Variants in MTMR4 observed in about 807,000 individuals in gnomAD.
The protein encoded by MTMR4 is myotubularin related protein 4.
In MTMR4, 30 loss-of-function variants were observed where a neutral mutation model predicts 125.5. The observed-to-expected ratio is 0.24, with a 90% CI of 0.18 to 0.32. The LOEUF (loss-of-function observed/expected upper bound fraction) is 0.32, where lower values mean the gene tolerates loss of function less well. MTMR4 is among the 10% of genes least tolerant of loss of function. The pLI, the probability that MTMR4 is intolerant of heterozygous loss-of-function variation, is 1.00. For synonymous variants in MTMR4, 498 were observed against 564.5 expected (o/e 0.88, Z 1.67); for missense variants, 1,039 against 1,511.5 (o/e 0.69, Z 5.18).
chr17:58,506,857 C>T lies in MTMR4; in HGVS notation c.919G>A (p.Ala307Thr). ...GCTGTGCTCTCCACTCCAGAGCACG[C>T]AGTCAGAGAAGAATCTAAACACACA... ...CDADFDSSLT[A>T]CSGVESTAAP... Residue 307 changes from alanine (A) to threonine (T), a missense_variant, in exon 9 of 18, where the codon GCG becomes ACG. Physicochemically the swap from Ala to Thr is moderately conservative, Grantham distance 58. Coordinates refer to ENST00000682306, the MANE Select transcript of MTMR4 (RefSeq NM_001378067.1). The T allele has an allele frequency of 6.2e-7, 1 of 1,612,494 alleles. No individual in the cohort carries two copies. Among genetic ancestry groups the T allele is most frequent in the Non-Finnish European group, 8.5e-7 (1 of 1,179,724 alleles).
rs1463197601 is a variant in MTMR4 at position 58,495,173 on chromosome 17, A to T, written c.3011T>A (p.Val1004Asp). The T allele has an allele frequency of 1.2e-6, 2 of 1,614,170 alleles. No individual in the cohort carries two copies. Among genetic ancestry groups the T allele is most frequent in the East Asian group, 4.5e-5 (2 of 44,870 alleles). ...CAGTGGAACGGGCTTTGTGCTAGAG[A>T]CTTGCTTTGGATGACTGGACAACCA... ...QMWLSSHPKQ[V>D]SSTKPVPLNC... The change falls in exon 15 of 18, where the codon GTC (valine) becomes GAC (aspartate). Residue 1004 changes from valine to aspartate, a missense_variant. Around this residue, in one of 6 missense-constraint regions of MTMR4, gnomAD observed 619 missense variants for 714.5 expected, o/e 0.87. Transcript: ENST00000682306.
chr17:58,510,712 G>A (rs914702000), intron 4 of MTMR4: 3 of 151,916 alleles, frequency 2.0e-5, no homozygotes, highest in African/African-American at 4.8e-5. Context: ...AAGCTGAAGC[G>A]ATCTCCCCAC....
intron 14 of MTMR4, among the ~76,000 whole-genome samples, chr17:58,498,820 A>C (rs1034382761): frequency 4.6e-5 from 7 of 152,120 alleles, no homozygotes; most frequent in Admixed American, 4.6e-4. Context: ...TTCAATGTCT[A>C]TTAGTGGTAC....
chr17:58,496,125 C>G lies in MTMR4; in HGVS notation c.2059G>C (p.Val687Leu). 1 of 1,614,192 alleles carries G rather than the reference C, an allele frequency of 6.2e-7. No homozygotes were observed. The highest frequency in any genetic ancestry group is 8.5e-7 in the Non-Finnish European group (1 of 1,180,036). The change falls in exon 15 of 18, where the codon GTG (valine) becomes CTG (leucine). Residue 687 changes from valine (V) to leucine (L), a missense_variant. Val to Leu is a conservative substitution (Grantham distance 32, BLOSUM62 1). Transcript: ENST00000682306. ...VGGPQQTVGE[V>L]GLPPPLPSSQ... ...CTGGGCAGAGGAGGAGGAAGACCCA[C>G]TTCTCCTACAGTTTGCTGAGGCCCT...
At chr17:58,516,696 C>A (rs540167327), upstream of MTMR4, 6 of 1,241,744 alleles carry the variant, frequency 4.8e-6, no homozygotes, top group Non-Finnish European at 7.1e-6. Context: ...CACACATCTA[C>A]CCCTGACCTT....
chr17:58,496,020 C>T lies in MTMR4; in HGVS notation c.2164G>A (p.Ala722Thr), dbSNP rs188227519. Reference sequence around the variant, plus strand: ...TTGCTCTTCATTTCCCGAGGCACTGCGGTATTAAGCAGTTTGTAACTTGGA... The same window carrying T: ...TTGCTCTTCATTTCCCGAGGCACTGTGGTATTAAGCAGTTTGTAACTTGGA... ...CSPSYKLLNTAVPREMKSNTS... is the reference protein window; with the variant it reads ...CSPSYKLLNTTVPREMKSNTS... The change falls in exon 15 of 18, where the codon GCA (alanine) becomes ACA (threonine). Residue 722 changes from alanine to threonine, a missense_variant. Physicochemically the swap from Ala to Thr is moderately conservative, Grantham distance 58 (BLOSUM62 0). Transcript: ENST00000682306. 9.9e-4 allele frequency: 1,602 copies of T among 1,614,032 alleles called. 18 individuals are homozygous for T. Among genetic ancestry groups the T allele is most frequent in the Middle Eastern group, 1.5e-3 (9 of 6,062 alleles).
rs991537008 is a variant in MTMR4 at position 58,514,632 on chromosome 17, G to A, written c.-225C>T. Reference sequence around the variant, plus strand: ...CCGCCCTCCCGCACGAGTGCAGAAGGGAGGGGAGCCAGGCGAGGGGAGAGC... The same window carrying A: ...CCGCCCTCCCGCACGAGTGCAGAAGAGAGGGGAGCCAGGCGAGGGGAGAGC... On this transcript the variant is annotated 5_prime_UTR_variant, in exon 1 of 18. Coordinates refer to ENST00000682306, the MANE Select transcript of MTMR4 (RefSeq NM_001378067.1). 10 of 985,170 alleles carry A rather than the reference G, an allele frequency of 1.0e-5. No homozygotes were observed. The highest frequency in any genetic ancestry group is 5.2e-4 in the Middle Eastern group (1 of 1,936). 61.0% of individuals were successfully genotyped at this position (985,170 alleles called of 1,614,324 possible).
upstream of MTMR4, among the ~76,000 whole-genome samples, chr17:58,517,055 GTC>G (rs1393357554): frequency 6.6e-6 from 1 of 152,258 alleles, no homozygotes; most frequent in African/African-American, 2.4e-5. Context: ...TGTTTTGCCA[GTC>G]TCTGAGTCTG....
chr17:58,511,923 C>T (rs1157735956), intron 3 of MTMR4, among the ~76,000 whole-genome samples: 2 of 151,846 alleles, frequency 1.3e-5, no homozygotes, highest in Admixed American at 6.6e-5. Context: ...GAGCCAGAAA[C>T]AGAGCTAGGA....
rs868747382 is a variant in MTMR4, at chr17:58,491,951, G to A, written c.3453-111C>T. 7.1e-5 allele frequency: 66 copies of A among 927,974 alleles called. No individual in the cohort carries two copies. The Middle Eastern group carries it at 9.0e-4, about 13-fold the overall frequency. The allele number at this position is 927,974 out of a possible 1,614,324, so 57.5% of individuals were successfully genotyped here. ...TTTGGTAGGCTGAGGCAGTAGAATC[G>A]CTTGAGGCCAGGAGTTTGAGACTTG... On this transcript the variant is annotated intron_variant, in intron 17 of 17. Transcript: ENST00000682306.
In MTMR4 at chr17:58,492,711, G is replaced by A. The variant is rs1481280020; in HGVS notation, c.3364-112C>T. On this transcript the variant is annotated intron_variant, in intron 16 of 17. Transcript: ENST00000682306. ...AGAGACAAGGCTTATCTTCATAACT[G>A]GCTACCATTTGCCTACCAGGCTGAC... 2.2e-6 allele frequency: 3 copies of A among 1,338,662 alleles called. No individual in the cohort carries two copies. In the Admixed American group the frequency reaches 5.2e-5, roughly 23 times the overall value. 82.9% of individuals were successfully genotyped at this position (1,338,662 alleles called of 1,614,324 possible).
chr17:58,492,630 T>G (rs1238851265), intron 16 of MTMR4, 31 bp from the exon 17 acceptor site: 1 of 1,603,022 alleles, frequency 6.2e-7, no homozygotes, highest in Non-Finnish European at 8.5e-7. Flanking sequence ...AAATTCCTGG[T>G]CCTTGTTGAC....
upstream of MTMR4, chr17:58,514,931 G>A (rs1004888129): frequency 1.2e-6 from 1 of 868,506 alleles, no homozygotes; most frequent in Non-Finnish European, 1.4e-6. Flanking sequence ...GGATCCCAAG[G>A]TGGAGCTCAC....
chr17:58,514,245 C>T (rs996289298), intron 1 of MTMR4, 118 bp downstream of exon 1: 5 of 909,644 alleles, frequency 5.5e-6, no homozygotes, highest in South Asian at 1.0e-4. Context: ...TCCCTGCCCC[C>T]CAAACGTTCG....
At position 58,495,831 on chromosome 17, in the gene MTMR4, T is replaced by C; in HGVS notation, c.2353A>G (p.Lys785Glu). The C allele has an allele frequency of 6.2e-7, 1 of 1,614,132 alleles. No homozygotes were observed. Among genetic ancestry groups the C allele is most frequent in the Non-Finnish European group, 8.5e-7 (1 of 1,180,032 alleles). Residue 785 changes from lysine (K) to glutamate (E), a missense_variant, in exon 15 of 18, where the codon AAG becomes GAG. By Grantham distance (56) the Lys-to-Glu change is moderately conservative. This residue lies in a region of MTMR4 where 619 missense variants were observed against 714.5 expected (regional missense o/e 0.87). Coordinates refer to ENST00000682306, the MANE Select transcript of MTMR4 (RefSeq NM_001378067.1). ...VSALSKVISN[K>E]CDGVCNFPES... ...GGAAAATTACAAACTCCATCACACT[T>C]GTTAGAAATGACCTTGGAGAGTGCA...
rs778493303 is a variant in MTMR4, at chr17:58,495,374, G to T, written c.2810C>A (p.Thr937Asn). The change falls in exon 15 of 18, where the codon ACC (threonine) becomes AAC (asparagine). Residue 937 changes from threonine (T) to asparagine (N), a missense_variant. Around this residue, in one of 6 missense-constraint regions of MTMR4, gnomAD observed 619 missense variants for 714.5 expected, o/e 0.87. Coordinates refer to ENST00000682306, the MANE Select transcript of MTMR4 (RefSeq NM_001378067.1). The stretch of plus-strand genomic sequence containing the variant: ...GCCATAGGAAAGCAGCCGCCGAGGG[G>T]TGGCCTCCCCACTTGGGAATGAAGT... ...MVTSFPSGEA[T>N]PRRLLSYGCC... 6.8e-6 allele frequency: 11 copies of T among 1,614,230 alleles called. No homozygotes were observed. The highest frequency in any genetic ancestry group is 1.6e-4 in the Middle Eastern group (1 of 6,062).
rs768529591 is a variant in MTMR4 at position 58,512,885 on chromosome 17, G to T, written c.102C>A (p.Pro34=). The change falls in exon 2 of 18, where the codon CCC becomes CCA. Residue 34 remains proline, a synonymous_variant. Coordinates refer to ENST00000682306, the MANE Select transcript of MTMR4 (RefSeq NM_001378067.1). The surrounding 1 kb of genome is among the most constrained non-coding windows in gnomAD (Gnocchi z 4.1). ...TCTCTTCCTCCTTCACTAGTTCCTT[G>T]GGGGGGAACAGATCCTTGGCTTGGA... ...EYIQAKDLFP[P]KELVKEEENL... is the part of the protein sequence containing the mutation. 1 of 1,612,442 alleles carries T rather than the reference G, an allele frequency of 6.2e-7. No individual in the cohort carries two copies.
chr17:58,508,299 A>C lies in MTMR4; in HGVS notation c.594-25T>G. On this transcript the variant is annotated intron_variant, in intron 6 of 17. Transcript: ENST00000682306. This position sits in a 1 kb window ranked among gnomAD's most constrained non-coding sequence, Gnocchi z 4.8. ...TCTGAGAAGAGACCAGGTGGGGGTCACTGCACTGGGTCTAAAACATGTGAT... is the reference window on the plus strand; with the variant it reads ...TCTGAGAAGAGACCAGGTGGGGGTCCCTGCACTGGGTCTAAAACATGTGAT... The C allele has an allele frequency of 6.3e-7, 1 of 1,599,310 alleles. No individual in the cohort carries two copies. Among genetic ancestry groups the C allele is most frequent in the Non-Finnish European group, 8.6e-7 (1 of 1,166,498 alleles).
At chr17:58,500,240 C>T (rs554312081) in intron 14 of MTMR4, among the ~76,000 whole-genome samples, 43 of 152,274 alleles carry the variant, frequency 2.8e-4, no homozygotes, top group African/African-American at 9.9e-4. Context: ...AATCCTCCTA[C>T]GTCAGCCCTC....
Sources: allele counts gnomAD v4.1 joint callset (sites outside exome capture counted in the v4.1 genomes callset), GRCh38; gene constraint gnomAD v4.1.1; regional missense constraint gnomAD v4.1.1; non-coding constraint Gnocchi (gnomAD v3.1); transcripts MANE v1.5; gene names NCBI Gene and HGNC (gene_info 2026-07-23, HGNC 2026-07-21).